The following AGR2 variants were observed in gnomAD, a reference collection of about 807,000 sequenced individuals.
The protein encoded by AGR2 is anterior gradient 2, protein disulphide isomerase family member, also known as anterior gradient protein 2 homolog.
In AGR2, 27 loss-of-function variants were observed where a neutral mutation model predicts 25.9. The observed-to-expected ratio is 1.04, with a 90% CI of 0.77 to 1.44. The LOEUF (loss-of-function observed/expected upper bound fraction) is 1.44, where lower values mean the gene tolerates loss of function less well. Ranked by LOEUF, AGR2 falls within the 40% of genes most tolerant of loss-of-function variation. AGR2 has a pLI of 0.00. For missense variants in AGR2, 182 were observed against 200.9 expected, an observed-to-expected ratio of 0.91 and a Z score of 0.57; for synonymous variants, 78 against 72.0, an observed-to-expected ratio of 1.08 and a Z score of -0.42.
chr7:16,796,027 C>G (rs146405544), intron 6 of AGR2, among the ~76,000 whole-genome samples: 1 of 152,344 alleles, frequency 6.6e-6, no homozygotes, highest in African/African-American at 2.4e-5. Flanking sequence ...AAATACCCAA[C>G]TAGCAGCTCA....
chr7:16,793,331 G>A (rs747722831), intron 7 of AGR2, among the ~76,000 whole-genome samples: 3 of 152,220 alleles, frequency 2.0e-5, no homozygotes, highest in Non-Finnish European at 4.4e-5. Flanking sequence ...TTACAGGCGT[G>A]AGCCACTGTG....
At chr7:16,795,090 G>A in intron 6 of AGR2, 71 bp from the exon 7 acceptor site, 1 of 1,533,976 alleles carries the variant, frequency 6.5e-7, no homozygotes, top group South Asian at 1.1e-5. Context: ...ATTGCCCCGG[G>A]GAGCTGAAGT....
chr7:16,804,000 A>T (rs1202732809), intron 1 of AGR2, among the ~76,000 whole-genome samples: 1 of 152,178 alleles, frequency 6.6e-6, no homozygotes, highest in Non-Finnish European at 1.5e-5. Flanking sequence ...TTGTTTTCCA[A>T]GTAGCTATTA....
intron 2 of AGR2, 50 bp from the exon 3 acceptor site, chr7:16,801,433 A>C: frequency 6.4e-7 from 1 of 1,552,782 alleles, no homozygotes; most frequent in South Asian, 1.1e-5. Flanking sequence ...ATTCAGACCC[A>C]AAGCTGTTGA....
chr7:16,794,128 C>A (rs1029068759), intron 7 of AGR2, among the ~76,000 whole-genome samples: 1 of 152,170 alleles, frequency 6.6e-6, no homozygotes. Context: ...CCCAACATGA[C>A]GTTCTAAGTC....
At chr7:16,799,721 G>T in intron 5 of AGR2, 23 bp downstream of exon 5, 2 of 1,563,974 alleles carry the variant, frequency 1.3e-6, no homozygotes, top group Non-Finnish European at 1.8e-6. Flanking sequence ...AGAAATGTTA[G>T]TAATGATGAA....
Position 16,792,339 on chromosome 7 carries a change from T to C in AGR2, c.*569A>G, listed in dbSNP as rs1465235569. ...TGGGCAAAATCTGACTAAAATTTAATTACTAAATGAAAGTGTGTACCTTAG... is the reference window on the plus strand; with the variant it reads ...TGGGCAAAATCTGACTAAAATTTAACTACTAAATGAAAGTGTGTACCTTAG... On this transcript the variant is annotated 3_prime_UTR_variant, in exon 8 of 8. Transcript: ENST00000419304. 2.0e-5 allele frequency: 3 copies of C among 152,710 alleles called. No homozygotes were observed. Among genetic ancestry groups the C allele is most frequent in the Non-Finnish European group, 4.4e-5 (3 of 68,112 alleles). The allele number at this position is 152,710 out of a possible 1,614,324, so 9.5% of individuals were successfully genotyped here.
intron 4 of AGR2, 130 bp from the exon 5 acceptor site, chr7:16,799,947 T>G: frequency 1.6e-6 from 1 of 641,020 alleles, no homozygotes. Context: ...ACTTTGGCCT[T>G]TTAGCAAATG....
intron 7 of AGR2, among the ~76,000 whole-genome samples, chr7:16,793,958 G>A (rs1418373301): frequency 6.6e-6 from 1 of 152,208 alleles, no homozygotes; most frequent in African/African-American, 2.4e-5. Context: ...TGTAGGACAC[G>A]TGCCTTTTAA....
At chr7:16,798,873 G>A (rs1316249121) in intron 5 of AGR2, among the ~76,000 whole-genome samples, 3 of 152,216 alleles carry the variant, frequency 2.0e-5, no homozygotes, top group African/African-American at 7.2e-5. Flanking sequence ...GATGATTAAT[G>A]TGCAGTGAGG....
intron 6 of AGR2, among the ~76,000 whole-genome samples, chr7:16,796,726 A>C (rs932739198): frequency 2.6e-5 from 4 of 152,230 alleles, no homozygotes; most frequent in African/African-American, 9.6e-5. Context: ...AACCACCCCC[A>C]AACTGCAAAA....
At chr7:16,799,954 A>G (rs918373677) in intron 4 of AGR2, 137 bp from the exon 5 acceptor site, 2 of 622,370 alleles carry the variant, frequency 3.2e-6, no homozygotes, top group African/African-American at 3.7e-5. Context: ...CCTTTTAGCA[A>G]ATGATTAGTG....
rs1285540046 is a variant in AGR2, at chr7:16,795,471, TA to T, written c.395-453del. 4.6e-5 allele frequency among the ~76,000 whole-genome samples: 7 copies of T among 152,188 alleles called. No homozygotes were observed. The East Asian group carries it at 1.4e-3, about 29-fold the overall frequency. ...AAACGAGTTTTTTAAAAAAAGTTAA[TA>T]GAGGAATGCAAGTCCTTAACAACAG... On this transcript the variant is annotated intron_variant, in intron 6 of 7. Coordinates refer to ENST00000419304, the MANE Select transcript of AGR2 (RefSeq NM_006408.4).
At chr7:16,794,897 C>T (rs773109903) in intron 7 of AGR2, 39 bp downstream of exon 7, 10 of 1,613,606 alleles carry the variant, frequency 6.2e-6, no homozygotes, top group Non-Finnish European at 7.6e-6. Context: ...TAGAGGTGTT[C>T]AACTCTTGGG....
chr7:16,792,047 T>A lies in AGR2; in HGVS notation c.*861A>T, dbSNP rs1426505179. 2.6e-5 allele frequency: 4 copies of A among 152,236 alleles called. No individual in the cohort carries two copies. The highest frequency in any genetic ancestry group is 9.7e-5 in the African/African-American group (4 of 41,448). The allele number at this position is 152,236 out of a possible 1,614,324, so 9.4% of individuals were successfully genotyped here. A position where few individuals can be genotyped will look rare whatever the true frequency, so the allele number is the denominator to read the frequency against. ...CCCTGATGCCACAGCCTTTCACGTT[T>A]CCTAAACCCTAGTAACCTCTGATCT... On this transcript the variant is annotated 3_prime_UTR_variant, in exon 8 of 8. Coordinates refer to ENST00000419304, the MANE Select transcript of AGR2 (RefSeq NM_006408.4).
chr7:16,793,846 A>G (rs528567732), intron 7 of AGR2, among the ~76,000 whole-genome samples: 15 of 152,350 alleles, frequency 9.8e-5, no homozygotes, highest in African/African-American at 3.6e-4. Context: ...TCTACTAAAA[A>G]TAAGATGTCC....
chr7:16,798,982 G>A (rs536681764), intron 5 of AGR2, among the ~76,000 whole-genome samples: 1 of 152,204 alleles, frequency 6.6e-6, no homozygotes, highest in Non-Finnish European at 1.5e-5. Flanking sequence ...GGAATTATTA[G>A]TGTGTCGGAA....
intron 6 of AGR2, 125 bp from the exon 7 acceptor site, chr7:16,795,144 C>A: frequency 9.7e-7 from 1 of 1,031,086 alleles, no homozygotes; most frequent in Non-Finnish European, 1.5e-6. Context: ...TGTCTGCACT[C>A]ACAGGAGCTC....
At position 16,792,920 on chromosome 7, in the gene AGR2, C is replaced by G. The variant is rs754532797; in HGVS notation, c.516G>C (p.Lys172Asn). The G allele has an allele frequency of 3.1e-6, 5 of 1,614,074 alleles. No individual in the cohort carries two copies. The highest frequency in any genetic ancestry group is 1.7e-6 in the Non-Finnish European group (2 of 1,179,966). ...DNMKKALKLL[K>N]TEL The stretch of plus-strand genomic sequence containing the variant: ...AGATTTTTTTTCTTTACAATTCAGT[C>G]TTCAGCAACTTGAGAGCTTTCTTCA... Residue 172 changes from lysine to asparagine, a missense_variant, in exon 8 of 8, where the codon AAG becomes AAC. By Grantham distance (94) the Lys-to-Asn change is moderately conservative (BLOSUM62 0). Coordinates refer to ENST00000419304, the MANE Select transcript of AGR2 (RefSeq NM_006408.4).
Sources: gnomAD v4.1 joint callset for allele counts (sites outside exome capture counted in the v4.1 genomes callset) on GRCh38, gnomAD v4.1.1 for gene constraint, MANE v1.5 for transcripts, NCBI Gene and HGNC (gene_info 2026-07-23, HGNC 2026-07-21) for gene names.